CD4: variants seen among roughly 807,000 people sequenced by gnomAD.
CD4 encodes CD4 molecule.
Under a neutral mutation model 50.5 loss-of-function variants are expected in CD4, and 25 were observed. That is an observed-to-expected ratio of 0.49 (90% CI 0.36 to 0.69). The LOEUF is 0.69. CD4 is among the 30% of genes least tolerant of loss of function. The pLI, the probability that CD4 is intolerant of heterozygous loss-of-function variation, is 0.00. For synonymous variants in CD4, 207 were observed against 221.9 expected (o/e 0.93, Z 0.60); for missense variants, 456 against 548.5 (o/e 0.83, Z 1.68).
chr12:6,790,570 G>T (rs778120008), intron 1 of CD4, among the ~76,000 whole-genome samples: 13 of 152,236 alleles, frequency 8.5e-5, no homozygotes, highest in Non-Finnish European at 1.9e-4. Flanking sequence ...GAGGCCGGGA[G>T]AGTTACAGAA....
chr12:6,806,182 C>T (rs10849521), intron 3 of CD4, among the ~76,000 whole-genome samples: 15,058 of 79,960 alleles, frequency 0.19, 1,423 homozygotes, highest in African/African-American at 0.32. Context: ...CACACACACA[C>T]ATACACAAGT....
intron 1 of CD4, among the ~76,000 whole-genome samples, chr12:6,796,277 C>T (rs1942374382): frequency 1.3e-5 from 2 of 152,120 alleles, no homozygotes; most frequent in South Asian, 4.1e-4. Context: ...TGGAACACAC[C>T]CAGGAGCATG....
chr12:6,804,137 A>C (rs1457104652), intron 3 of CD4, among the ~76,000 whole-genome samples: 1 of 149,858 alleles, frequency 6.7e-6, no homozygotes, highest in Non-Finnish European at 1.5e-5. Context: ...TAAATAAATA[A>C]ATAAATAAAT....
intron 4 of CD4, 162 bp from the exon 5 acceptor site, chr12:6,814,597 G>A: frequency 1.4e-6 from 1 of 727,808 alleles, no homozygotes; most frequent in Admixed American, 2.1e-5. Context: ...AGAGAGAGGA[G>A]GGGAGAGGGA....
Position 6,819,846 on chromosome 12 carries a change from G to T in CD4, c.*517G>T. On this transcript the variant is annotated 3_prime_UTR_variant, in exon 10 of 10. Coordinates refer to ENST00000011653, the MANE Select transcript of CD4 (RefSeq NM_000616.5). Reference sequence around the variant, plus strand: ...TGCTGCCCGCTTCTCACCCTATGTGGGTGGGACCACAGACTCACATCCTGA... The same window carrying T: ...TGCTGCCCGCTTCTCACCCTATGTGTGTGGGACCACAGACTCACATCCTGA... 1 of 161,438 alleles carries T rather than the reference G, an allele frequency of 6.2e-6. No individual in the cohort carries two copies. The allele number at this position is 161,438 out of a possible 1,614,324, so 10.0% of individuals were successfully genotyped here.
rs200954626 is a variant in CD4 at position 6,816,036 on chromosome 12, C to G, written c.608-20C>G. 1 of 1,613,872 alleles carries G rather than the reference C, an allele frequency of 6.2e-7. No individual in the cohort carries two copies. The highest frequency in any genetic ancestry group is 8.5e-7 in the Non-Finnish European group (1 of 1,179,958). On this transcript the variant is annotated intron_variant, in intron 5 of 9. Transcript: ENST00000011653. This position sits in a 1 kb window ranked among gnomAD's most constrained non-coding sequence, Gnocchi z 4.9. Reference sequence around the variant, plus strand: ...ATCTTCCTATCTCCTCACCCAGGGTCTCTCCCTTCCCACCTCCAGCTTTCC... The same window carrying G: ...ATCTTCCTATCTCCTCACCCAGGGTGTCTCCCTTCCCACCTCCAGCTTTCC...
intron 3 of CD4, among the ~76,000 whole-genome samples, chr12:6,812,767 ATTTT>A (rs72287133): frequency 0.016 from 2,255 of 144,376 alleles, 21 homozygotes; most frequent in African/African-American, 0.026. Flanking sequence ...AACCAAGGTT[ATTTT>A]TGTGTGTGTG....
chr12:6,804,615 G>A (rs1482401582), intron 3 of CD4, among the ~76,000 whole-genome samples: 1 of 152,202 alleles, frequency 6.6e-6, no homozygotes, highest in African/African-American at 2.4e-5. Flanking sequence ...GCTCACACCT[G>A]TAATTCCTGC....
chr12:6,792,497 T>C lies in CD4; in HGVS notation c.-68+2835T>C, dbSNP rs1416321019. ...ATTGTGGATTGTGTGTGCATAGCTG[T>C]TGCTTTAACAAGCTGCTCCAGGTCT... On this transcript the variant is annotated intron_variant, in intron 1 of 9. Coordinates refer to ENST00000011653, the MANE Select transcript of CD4 (RefSeq NM_000616.5). The surrounding 1 kb of genome is among the most constrained non-coding windows in gnomAD (Gnocchi z 4.1). Among the ~76,000 whole-genome samples, 3 of 152,174 alleles carry C rather than the reference T, an allele frequency of 2.0e-5. No individual in the cohort carries two copies. The highest frequency in any genetic ancestry group is 1.3e-4 in the Admixed American group (2 of 15,272).
Position 6,816,365 on chromosome 12 carries a change from G to GA in CD4, c.920dup (p.Leu308ValfsTer22), listed in dbSNP as rs1555117963. ...ACCCTGGCCCTTGAAGCGAAAACAG[G>GA]AAAGTTGCATCAGGAAGTGAACCTG... is the stretch of plus-strand genomic sequence containing the variant. On this transcript the variant is annotated frameshift_variant, in exon 6 of 10. Coordinates refer to ENST00000011653, the MANE Select transcript of CD4 (RefSeq NM_000616.5). LOFTEE classifies it high-confidence loss of function. The surrounding 1 kb of genome is among the most constrained non-coding windows in gnomAD (Gnocchi z 4.9). 1 of 1,613,658 alleles carries GA rather than the reference G, an allele frequency of 6.2e-7. No homozygotes were observed. The highest frequency in any genetic ancestry group is 8.5e-7 in the Non-Finnish European group (1 of 1,179,820).
At chr12:6,801,188 G>A (rs1942534142) in intron 3 of CD4, among the ~76,000 whole-genome samples, 1 of 150,944 alleles carries the variant, frequency 6.6e-6, no homozygotes, top group Admixed American at 6.6e-5. Context: ...TTACAGGTGT[G>A]TGTCACTATG....
chr12:6,813,936 T>G (rs373416208), intron 3 of CD4: 9 of 485,230 alleles, frequency 1.9e-5, no homozygotes, highest in South Asian at 1.8e-4. Context: ...GGATATGATT[T>G]TATTTGTATT....
At position 6,816,673 on chromosome 12, in the gene CD4, G is replaced by A. The variant is rs1249011819; in HGVS notation, c.955+270G>A. ...CCTATAACCAACCCTCTGTGACCCTGGCTAAGCCCCCTCCCACTGCAGGCC... is the reference window on the plus strand; with the variant it reads ...CCTATAACCAACCCTCTGTGACCCTAGCTAAGCCCCCTCCCACTGCAGGCC... On this transcript the variant is annotated intron_variant, in intron 6 of 9. Transcript: ENST00000011653. The surrounding 1 kb of genome is among the most constrained non-coding windows in gnomAD (Gnocchi z 4.9). Among the ~76,000 whole-genome samples, 1 of 152,190 alleles carries A rather than the reference G, an allele frequency of 6.6e-6. No homozygotes were observed. The highest frequency in any genetic ancestry group is 1.5e-5 in the Non-Finnish European group (1 of 68,022).
At chr12:6,790,603 C>G (rs1942127227) in intron 1 of CD4, among the ~76,000 whole-genome samples, 1 of 152,206 alleles carries the variant, frequency 6.6e-6, no homozygotes, top group Non-Finnish European at 1.5e-5. Flanking sequence ...CCTCCTGGGC[C>G]TGGCAGGGTG....
At chr12:6,795,904 G>C (rs778599230) in intron 1 of CD4, among the ~76,000 whole-genome samples, 2 of 152,240 alleles carry the variant, frequency 1.3e-5, no homozygotes, top group Non-Finnish European at 1.5e-5. Flanking sequence ...TCAGCCCCTT[G>C]GTGGAGAGCC....
At position 6,800,107 on chromosome 12, in the gene CD4, C is replaced by A; in HGVS notation, c.-32C>A. 6.2e-7 allele frequency: 1 copy of A among 1,610,358 alleles called. No individual in the cohort carries two copies. ...TTCTGTGGGCTCAGGTCCCTACTGG[C>A]TCAGGCCCCTGCCTCCCTCGGCAAG... On this transcript the variant is annotated 5_prime_UTR_variant, in exon 2 of 10. Coordinates refer to ENST00000011653, the MANE Select transcript of CD4 (RefSeq NM_000616.5).
chr12:6,802,196 T>C (rs1484640886), intron 3 of CD4, among the ~76,000 whole-genome samples: 1 of 151,944 alleles, frequency 6.6e-6, no homozygotes, highest in Non-Finnish European at 1.5e-5. Context: ...TTTAAAACTA[T>C]TATATGCTCA....
Position 6,800,116 on chromosome 12 carries a change from C to T in CD4, c.-23C>T, listed in dbSNP as rs1197527467. On this transcript the variant is annotated 5_prime_UTR_variant, in exon 2 of 10. Transcript: ENST00000011653. ...CTCAGGTCCCTACTGGCTCAGGCCC[C>T]TGCCTCCCTCGGCAAGGCCACAATG... The T allele has an allele frequency of 6.2e-7, 1 of 1,613,386 alleles. No homozygotes were observed. The highest frequency in any genetic ancestry group is 8.5e-7 in the Non-Finnish European group (1 of 1,179,446).
rs1198238551 is a variant in CD4 at position 6,792,741 on chromosome 12, AG to A, written c.-68+3081del. ...CCAGGAGGACTGTGTACAGACCGGA[AG>A]GAGCTAGAGCTTAGTGGCAGCCTGA... is the stretch of plus-strand genomic sequence containing the variant. On this transcript the variant is annotated intron_variant, in intron 1 of 9. Transcript: ENST00000011653. This position sits in a 1 kb window ranked among gnomAD's most constrained non-coding sequence, Gnocchi z 4.1. Among the ~76,000 whole-genome samples, 1 of 152,224 alleles carries A rather than the reference AG, an allele frequency of 6.6e-6. No individual in the cohort carries two copies. Among genetic ancestry groups the A allele is most frequent in the East Asian group, 1.9e-4 (1 of 5,188 alleles).
Sources: gnomAD v4.1 joint callset for allele counts (sites outside exome capture counted in the v4.1 genomes callset) on GRCh38, gnomAD v4.1.1 for gene constraint, Gnocchi (gnomAD v3.1) non-coding constraint, MANE v1.5 for transcripts, NCBI Gene and HGNC (gene_info 2026-07-23, HGNC 2026-07-21) for gene names.